NFKBIE: variants seen among roughly 807,000 people sequenced by gnomAD.
NFKBIE encodes the protein NFKB inhibitor epsilon, also known as NF-kappa-B inhibitor epsilon.
In NFKBIE, 11 loss-of-function variants were observed where a neutral mutation model predicts 31.6. That is an observed-to-expected ratio of 0.35 (90% CI 0.22 to 0.58). The LOEUF (loss-of-function observed/expected upper bound fraction) is 0.58. NFKBIE is among the 20% of genes least tolerant of loss of function. The probability of loss-of-function intolerance (pLI) is 0.83; values close to 1 mark genes in which losing one functional copy is unlikely to be tolerated. For missense variants in NFKBIE, 354 were observed against 465.7 expected (o/e 0.76, Z 2.21); for synonymous variants, 208 against 210.1 (o/e 0.99, Z 0.09).
At chr6:44,264,390 G>A (rs1214769083) in intron 1 of NFKBIE, among the ~76,000 whole-genome samples, 1 of 152,204 alleles carries the variant, frequency 6.6e-6, no homozygotes, top group African/African-American at 2.4e-5. Flanking sequence ...TGTCAGGGAC[G>A]CTGACTCTAG....
At position 44,259,127 on chromosome 6, in the gene NFKBIE, G is replaced by A. The variant is rs1781796337; in HGVS notation, c.*92C>T. On this transcript the variant is annotated 3_prime_UTR_variant, in exon 6 of 6. Coordinates refer to ENST00000619360, the MANE Select transcript of NFKBIE (RefSeq NM_004556.3). Reference sequence around the variant, plus strand: ...CACAGCAGTCCCTAGGGCACCAGAAGAGCACATAGCCTGGGCCCAAACTGC... The same window carrying A: ...CACAGCAGTCCCTAGGGCACCAGAAAAGCACATAGCCTGGGCCCAAACTGC... 7.4e-7 allele frequency: 1 copy of A among 1,357,166 alleles called. No homozygotes were observed. The highest frequency in any genetic ancestry group is 1.0e-6 in the Non-Finnish European group (1 of 954,158). The allele number at this position is 1,357,166 out of a possible 1,614,324, so 84.1% of individuals were successfully genotyped here.
chr6:44,262,249 G>T (rs1781948912), intron 2 of NFKBIE, among the ~76,000 whole-genome samples: 2 of 152,202 alleles, frequency 1.3e-5, no homozygotes, highest in South Asian at 2.1e-4. Context: ...GCTCCATTCA[G>T]ATGGCATCTC....
Position 44,261,844 on chromosome 6 carries a change from G to C in NFKBIE, c.473C>G (p.Ala158Gly), listed in dbSNP as rs1781933139. ...GTCCAGATGTACAGCCAGATGGAGT[G>C]CTGTCTGGAGGCACAAATAGAGGGT... Reference protein sequence around the residue: ...LDIQNNLYQTALHLAVHLDQP... With the variant: ...LDIQNNLYQTGLHLAVHLDQP... Residue 158 changes from alanine (A) to glycine (G), a missense_variant, in exon 3 of 6, where the codon GCA becomes GGA. Around this residue, in one of 2 missense-constraint regions of NFKBIE, gnomAD observed 183 missense variants for 310.6 expected, o/e 0.59. Coordinates refer to ENST00000619360, the MANE Select transcript of NFKBIE (RefSeq NM_004556.3). The surrounding 1 kb of genome is among the most constrained non-coding windows in gnomAD (Gnocchi z 4.3). 1 of 1,608,104 alleles carries C rather than the reference G, an allele frequency of 6.2e-7. No individual in the cohort carries two copies. Among genetic ancestry groups the C allele is most frequent in the Admixed American group, 1.7e-5 (1 of 59,920 alleles).
chr6:44,260,119 G>T lies in NFKBIE; in HGVS notation c.944C>A (p.Ser315Tyr). ...AAGRGLMGIS[S>Y]TLCKAGADSL... Reference sequence around the variant, plus strand: ...GTCAGCACCCGCCTTGCACAGAGTGGATGAGATGCCCATGAGACCCCGGCC... The same window carrying T: ...GTCAGCACCCGCCTTGCACAGAGTGTATGAGATGCCCATGAGACCCCGGCC... Residue 315 changes from serine (S) to tyrosine (Y), a missense_variant, in exon 5 of 6, where the codon TCC (serine) becomes TAC (tyrosine). This residue lies in a region of NFKBIE where 183 missense variants were observed against 310.6 expected (regional missense o/e 0.59). Transcript: ENST00000619360. The surrounding 1 kb of genome is among the most constrained non-coding windows in gnomAD (Gnocchi z 5.5). The T allele has an allele frequency of 6.2e-7, 1 of 1,614,200 alleles. No homozygotes were observed. The highest frequency in any genetic ancestry group is 8.5e-7 in the Non-Finnish European group (1 of 1,180,026).
In NFKBIE at chr6:44,260,593, C is replaced by T. The variant is rs1583008369; in HGVS notation, c.692-54G>A. 2 of 1,561,006 alleles carry T rather than the reference C, an allele frequency of 1.3e-6. No homozygotes were observed. The highest frequency in any genetic ancestry group is 1.4e-5 in the African/African-American group (1 of 73,986). ...GCTGCTGATCTGCATCCACCAACTC[C>T]CTCTCTTCTGGGACCTCCCTACCAC... is the stretch of plus-strand genomic sequence containing the variant. On this transcript the variant is annotated intron_variant, in intron 3 of 5. Coordinates refer to ENST00000619360, the MANE Select transcript of NFKBIE (RefSeq NM_004556.3). The surrounding 1 kb of genome is among the most constrained non-coding windows in gnomAD (Gnocchi z 5.5).
Position 44,262,592 on chromosome 6 carries a change from C to G in NFKBIE, c.436G>C (p.Glu146Gln). 6.2e-7 allele frequency: 1 copy of G among 1,614,120 alleles called. No individual in the cohort carries two copies. Among genetic ancestry groups the G allele is most frequent in the Non-Finnish European group, 8.5e-7 (1 of 1,179,994 alleles). ...AGGTTATTTTGAATGTCCAGGACCT[C>G]CTGGGGCAGCAAAGCCAGGCAACAG... ...LLCCLALLPQ[E>Q]VLDIQNNLYQ... is the part of the protein sequence containing the mutation. Residue 146 changes from glutamate (E) to glutamine (Q), a missense_variant, in exon 2 of 6, where the codon GAG becomes CAG. Coordinates refer to ENST00000619360, the MANE Select transcript of NFKBIE (RefSeq NM_004556.3).
chr6:44,258,532 A>G lies in NFKBIE; in HGVS notation c.*687T>C, dbSNP rs533284879. On this transcript the variant is annotated 3_prime_UTR_variant, in exon 6 of 6. Coordinates refer to ENST00000619360, the MANE Select transcript of NFKBIE (RefSeq NM_004556.3). ...TGGACACAGAGAAAGGCCTGGAACT[A>G]CTGGCCTCTGACCCCACCCAGCAAG... 3 of 152,368 alleles carry G rather than the reference A, an allele frequency of 2.0e-5. No individual in the cohort carries two copies. Among genetic ancestry groups the G allele is most frequent in the Non-Finnish European group, 4.4e-5 (3 of 68,206 alleles). The allele number at this position is 152,368 out of a possible 1,614,324, so 9.4% of individuals were successfully genotyped here.
rs772505580 is a variant in NFKBIE at position 44,260,558 on chromosome 6, G to C, written c.692-19C>G. On this transcript the variant is annotated intron_variant, in intron 3 of 5. Transcript: ENST00000619360. The surrounding 1 kb of genome is among the most constrained non-coding windows in gnomAD (Gnocchi z 5.5). ...GCCAGACCTGGGATGGGGTGAGAGT[G>C]AGGGTGAGGGCTGCTGATCTGCATC... The C allele has an allele frequency of 1.2e-6, 2 of 1,612,566 alleles. No homozygotes were observed. Among genetic ancestry groups the C allele is most frequent in the Non-Finnish European group, 8.5e-7 (1 of 1,178,670 alleles).
Position 44,265,404 on chromosome 6 carries a change from C to A in NFKBIE, c.-58G>T. 6.5e-7 allele frequency: 1 copy of A among 1,547,662 alleles called. No individual in the cohort carries two copies. The highest frequency in any genetic ancestry group is 8.7e-7 in the Non-Finnish European group (1 of 1,154,126). On this transcript the variant is annotated 5_prime_UTR_variant, in exon 1 of 6. Transcript: ENST00000619360. ...GAGCAGGATCCGGCTCCAGGCTCCGCCGCGCCGCCTTTCCGGGTTGCGGGT... is the reference window on the plus strand; with the variant it reads ...GAGCAGGATCCGGCTCCAGGCTCCGACGCGCCGCCTTTCCGGGTTGCGGGT...
rs1341132284 is a variant in NFKBIE, at chr6:44,261,027, C to T, written c.692-488G>A. On this transcript the variant is annotated intron_variant, in intron 3 of 5. Coordinates refer to ENST00000619360, the MANE Select transcript of NFKBIE (RefSeq NM_004556.3). The surrounding 1 kb of genome is among the most constrained non-coding windows in gnomAD (Gnocchi z 4.3). The stretch of plus-strand genomic sequence containing the variant: ...TTTGCTCTCCTTTCTAGTCTGGACA[C>T]TCCCGACCCTTGCTTAGTAATAGAG... 2.0e-5 allele frequency among the ~76,000 whole-genome samples: 3 copies of T among 152,164 alleles called. No individual in the cohort carries two copies. The highest frequency in any genetic ancestry group is 1.9e-4 in the East Asian group (1 of 5,192).
At position 44,262,902 on chromosome 6, in the gene NFKBIE, G is replaced by C. The variant is rs1781975177; in HGVS notation, c.366-240C>G. Among the ~76,000 whole-genome samples, 2 of 152,174 alleles carry C rather than the reference G, an allele frequency of 1.3e-5. 1 individual carries two copies. The highest frequency in any genetic ancestry group is 4.1e-4 in the South Asian group (2 of 4,834). ...CTTGGCTGGGTGGGCATGTGGGCAG[G>C]GTGCTGACAGGACAACAGCCTTCCT... On this transcript the variant is annotated intron_variant, in intron 1 of 5. Coordinates refer to ENST00000619360, the MANE Select transcript of NFKBIE (RefSeq NM_004556.3).
Position 44,260,560 on chromosome 6 carries a change from G to C in NFKBIE, c.692-21C>G. On this transcript the variant is annotated intron_variant, in intron 3 of 5. Transcript: ENST00000619360. The surrounding 1 kb of genome is among the most constrained non-coding windows in gnomAD (Gnocchi z 5.5). ...CAGACCTGGGATGGGGTGAGAGTGA[G>C]GGTGAGGGCTGCTGATCTGCATCCA... The C allele has an allele frequency of 6.2e-7, 1 of 1,612,260 alleles. No homozygotes were observed. Among genetic ancestry groups the C allele is most frequent in the Non-Finnish European group, 8.5e-7 (1 of 1,178,356 alleles).
At position 44,261,903 on chromosome 6, in the gene NFKBIE, G is replaced by A. The variant is rs1781936707; in HGVS notation, c.469-55C>T. 1.3e-6 allele frequency: 2 copies of A among 1,490,302 alleles called. No homozygotes were observed. Among genetic ancestry groups the A allele is most frequent in the Non-Finnish European group, 1.8e-6 (2 of 1,096,008 alleles). 92.3% of individuals were successfully genotyped at this position (1,490,302 alleles called of 1,614,324 possible). On this transcript the variant is annotated intron_variant, in intron 2 of 5. Coordinates refer to ENST00000619360, the MANE Select transcript of NFKBIE (RefSeq NM_004556.3). This position sits in a 1 kb window ranked among gnomAD's most constrained non-coding sequence, Gnocchi z 4.3. ...CACTGCAGCATGCTCCCACCTCTGG[G>A]AACATGCTTGGGCTCAAGAATCACC...
rs1781881515 is a variant in NFKBIE at position 44,260,862 on chromosome 6, C to CACACACACACACACACACACAG, written c.692-324_692-323insCTGTGTGTGTGTGTGTGTGTGT. On this transcript the variant is annotated intron_variant, in intron 3 of 5. Coordinates refer to ENST00000619360, the MANE Select transcript of NFKBIE (RefSeq NM_004556.3). The surrounding 1 kb of genome is among the most constrained non-coding windows in gnomAD (Gnocchi z 5.5). ...ACACACACACACACACACATACAGA[C>CACACACACACACACACACACAG]ACACACACACACACACACACACACA... is the stretch of plus-strand genomic sequence containing the variant. Among the ~76,000 whole-genome samples the CACACACACACACACACACACAG allele has an allele frequency of 6.4e-5, 1 of 15,676 alleles. No homozygotes were observed. Among genetic ancestry groups the CACACACACACACACACACACAG allele is most frequent in the Non-Finnish European group, 1.1e-4 (1 of 9,204 alleles). 10.3% of individuals were successfully genotyped at this position (15,676 alleles called of 152,430 possible).
rs79985077 is a variant in NFKBIE at position 44,262,926 on chromosome 6, C to T, written c.366-264G>A. Among the ~76,000 whole-genome samples, 158 of 152,312 alleles carry T rather than the reference C, an allele frequency of 1.0e-3. 3 individuals are homozygous for T. In the East Asian group the frequency reaches 0.024, roughly 23 times the overall value. ...GGGTGCTGACAGGACAACAGCCTTC[C>T]TGTCCAGCCTGCCCACACCCACTCC... On this transcript the variant is annotated intron_variant, in intron 1 of 5. Transcript: ENST00000619360.
chr6:44,262,607 C>T lies in NFKBIE; in HGVS notation c.421G>A (p.Ala141Thr). 2 of 1,614,158 alleles carry T rather than the reference C, an allele frequency of 1.2e-6. No homozygotes were observed. The highest frequency in any genetic ancestry group is 1.7e-6 in the Non-Finnish European group (2 of 1,180,002). ...TCCAGGACCTCCTGGGGCAGCAAAG[C>T]CAGGCAACAGAGCAGCACCGCTGGG... Reference protein sequence around the residue: ...EAPAVLLCCLALLPQEVLDIQ... With the variant: ...EAPAVLLCCLTLLPQEVLDIQ... The change falls in exon 2 of 6, where the codon GCT (alanine) becomes ACT (threonine). Residue 141 changes from alanine to threonine, a missense_variant. Physicochemically the swap from Ala to Thr is moderately conservative, Grantham distance 58. This residue lies in a region of NFKBIE where 183 missense variants were observed against 310.6 expected (regional missense o/e 0.59). Transcript: ENST00000619360.
chr6:44,261,492 ATATC>A lies in NFKBIE; in HGVS notation c.691+130_691+133del. 1 of 805,266 alleles carries A rather than the reference ATATC, an allele frequency of 1.2e-6. No homozygotes were observed. Among genetic ancestry groups the A allele is most frequent in the South Asian group, 1.8e-5 (1 of 56,906 alleles). The allele number at this position is 805,266 out of a possible 1,614,324, so 49.9% of individuals were successfully genotyped here. ...CATTCATTTGGCAAAGATGTACTGA[ATATC>A]TATGTGCTTACAGTGGGAGGGGCAC... On this transcript the variant is annotated intron_variant, in intron 3 of 5. Coordinates refer to ENST00000619360, the MANE Select transcript of NFKBIE (RefSeq NM_004556.3). This position sits in a 1 kb window ranked among gnomAD's most constrained non-coding sequence, Gnocchi z 4.3.
Position 44,265,448 on chromosome 6 carries a change from G to A in NFKBIE, c.-102C>T. The A allele has an allele frequency of 6.6e-7, 1 of 1,509,988 alleles. No homozygotes were observed. Among genetic ancestry groups the A allele is most frequent in the East Asian group, 2.6e-5 (1 of 37,988 alleles). The allele number at this position is 1,509,988 out of a possible 1,614,324, so 93.5% of individuals were successfully genotyped here. A position where few individuals can be genotyped will look rare whatever the true frequency, so the allele number is the denominator to read the frequency against. The stretch of plus-strand genomic sequence containing the variant: ...TGCGGGTCCGCTTGGCAGAGCGGGC[G>A]CCCGGCCCGCGGCGGCCTCCTTCCC... On this transcript the variant is annotated 5_prime_UTR_variant, in exon 1 of 6. Transcript: ENST00000619360.
chr6:44,261,864 G>A lies in NFKBIE; in HGVS notation c.469-16C>T. ...GGAGTGCTGTCTGGAGGCACAAATA[G>A]AGGGTCATGGGGCCACTGCAGCATG... On this transcript the variant is annotated splice_polypyrimidine_tract_variant and intron_variant, in intron 2 of 5. Transcript: ENST00000619360. This position sits in a 1 kb window ranked among gnomAD's most constrained non-coding sequence, Gnocchi z 4.3. The A allele has an allele frequency of 6.3e-7, 1 of 1,598,550 alleles. No homozygotes were observed. Among genetic ancestry groups the A allele is most frequent in the South Asian group, 1.1e-5 (1 of 90,012 alleles).
Sources: allele counts gnomAD v4.1 joint callset (sites outside exome capture counted in the v4.1 genomes callset), GRCh38; gene constraint gnomAD v4.1.1; regional missense constraint gnomAD v4.1.1; non-coding constraint Gnocchi (gnomAD v3.1); transcripts MANE v1.5; gene names NCBI Gene and HGNC (gene_info 2026-07-23, HGNC 2026-07-21).